RASGRP1: variants seen among roughly 807,000 people sequenced by gnomAD.
RASGRP1 encodes the protein RAS guanyl releasing protein 1.
Under a neutral mutation model 95.1 loss-of-function variants are expected in RASGRP1, and 37 were observed. That is an observed-to-expected ratio of 0.39 (90% CI 0.30 to 0.51). RASGRP1 has a LOEUF of 0.51. Ranked by LOEUF, RASGRP1 falls within the 20% of genes least tolerant of loss-of-function variation. RASGRP1 has a pLI of 0.80. For missense variants in RASGRP1, 711 were observed against 965.4 expected, an observed-to-expected ratio of 0.74 and a Z score of 3.49; for synonymous variants, 325 against 353.4, an observed-to-expected ratio of 0.92 and a Z score of 0.90.
chr15:38,540,179 C>T (rs1026088064), intron 2 of RASGRP1, among the ~76,000 whole-genome samples: 2 of 152,146 alleles, frequency 1.3e-5, no homozygotes, highest in Non-Finnish European at 2.9e-5. Flanking sequence ...CCTCCCACCT[C>T]GGCCGGCCAA....
Position 38,537,507 on chromosome 15 carries a change from T to C in RASGRP1, c.221-11103A>G, listed in dbSNP as rs145384990. Reference sequence around the variant, plus strand: ...CACGCAACCCCATGGCTCATAGACATTGACCATTCCCATGCAGCACTATAG... The same window carrying C: ...CACGCAACCCCATGGCTCATAGACACTGACCATTCCCATGCAGCACTATAG... On this transcript the variant is annotated intron_variant, in intron 2 of 16. Coordinates refer to ENST00000310803, the MANE Select transcript of RASGRP1 (RefSeq NM_005739.4). Among the ~76,000 whole-genome samples the C allele has an allele frequency of 1.1e-4, 17 of 152,194 alleles. No individual in the cohort carries two copies. In the Middle Eastern group the frequency reaches 0.01, roughly 91 times the overall value.
Position 38,564,586 on chromosome 15 carries a change from C to T in RASGRP1, c.35+8G>A. ...GCGCTCCCGAGGGCCACGGCCGCCT[C>T]TACTCACCGCGGAGCCTCTCTCGCC... is the stretch of plus-strand genomic sequence containing the variant. On this transcript the variant is annotated splice_region_variant and intron_variant, in intron 1 of 16. Transcript: ENST00000310803. 2.9e-6 allele frequency: 4 copies of T among 1,380,060 alleles called. No homozygotes were observed. The East Asian group carries it at 9.2e-5, about 32-fold the overall frequency. The allele number at this position is 1,380,060 out of a possible 1,614,324, so 85.5% of individuals were successfully genotyped here.
At chr15:38,530,827 T>C (rs1448819492) in intron 2 of RASGRP1, among the ~76,000 whole-genome samples, 13 of 152,190 alleles carry the variant, frequency 8.5e-5, no homozygotes, top group Admixed American at 7.9e-4. Flanking sequence ...TGAAGAAAAC[T>C]TGGGGAAGAG....
chr15:38,493,108 G>C (rs182453264), intron 16 of RASGRP1, among the ~76,000 whole-genome samples: 2 of 150,686 alleles, frequency 1.3e-5, no homozygotes, highest in Non-Finnish European at 2.9e-5. Context: ...TCTTGATCTC[G>C]TGACCTCGTG....
chr15:38,536,734 T>C (rs1892663308), intron 2 of RASGRP1, among the ~76,000 whole-genome samples: 1 of 152,228 alleles, frequency 6.6e-6, no homozygotes, highest in Admixed American at 6.5e-5. Flanking sequence ...CCACTGACCA[T>C]AGTCTTATTG....
At chr15:38,497,672 A>G (rs1056071433) in intron 15 of RASGRP1, among the ~76,000 whole-genome samples, 1 of 152,186 alleles carries the variant, frequency 6.6e-6, no homozygotes, top group Non-Finnish European at 1.5e-5. Context: ...ATATTTGTAT[A>G]TTATCTTCCC....
In RASGRP1 at chr15:38,512,829, G is replaced by A. The variant is rs1308640716; in HGVS notation, c.803C>T (p.Pro268Leu). The A allele has an allele frequency of 1.2e-6, 2 of 1,613,728 alleles. No homozygotes were observed. The highest frequency in any genetic ancestry group is 1.1e-5 in the South Asian group (1 of 91,082). ...VQLMVLSRPT[P>L]QLRAEVFIKF... ...GATGAAGACTTCTGCTCGGAGCTGC[G>A]GCGTGGGGCGGCTGAGAACCATCAG... Residue 268 changes from proline to leucine, a missense_variant, in exon 7 of 17, where the codon CCG (proline) becomes CTG (leucine). Transcript: ENST00000310803.
chr15:38,556,038 T>C (rs1893541886), intron 2 of RASGRP1, among the ~76,000 whole-genome samples: 1 of 152,128 alleles, frequency 6.6e-6, no homozygotes, highest in Non-Finnish European at 1.5e-5. Context: ...GGAAAAAAAA[T>C]AAAAGCCCAG....
At position 38,499,106 on chromosome 15, in the gene RASGRP1, AC is replaced by A. The variant is rs753450431; in HGVS notation, c.1721-161del. 3.0e-6 allele frequency: 3 copies of A among 1,006,770 alleles called. No individual in the cohort carries two copies. The Admixed American group carries it at 5.2e-5, about 17-fold the overall frequency. The allele number at this position is 1,006,770 out of a possible 1,614,324, so 62.4% of individuals were successfully genotyped here. A position where few individuals can be genotyped will look rare whatever the true frequency, so the allele number is the denominator to read the frequency against. ...TCCTAATGAAGCTAGCATTCTTCTCACTTGGTGAAGCCCAGAGCTCACACTC... is the reference window on the plus strand; with the variant it reads ...TCCTAATGAAGCTAGCATTCTTCTCATTGGTGAAGCCCAGAGCTCACACTC... On this transcript the variant is annotated intron_variant, in intron 14 of 16. Transcript: ENST00000310803.
chr15:38,526,742 T>C (rs1278409078), intron 2 of RASGRP1, among the ~76,000 whole-genome samples: 1 of 151,522 alleles, frequency 6.6e-6, no homozygotes, highest in Non-Finnish European at 1.5e-5. Flanking sequence ...GGTTGGGGGG[T>C]GGGCAGGGAG....
At chr15:38,518,172 T>A in intron 5 of RASGRP1, 120 bp downstream of exon 5, 1 of 950,460 alleles carries the variant, frequency 1.1e-6, no homozygotes, top group East Asian at 2.6e-5. Flanking sequence ...TTGAGGGGCT[T>A]CTCAGAGTGG....
At chr15:38,516,097 G>T in intron 6 of RASGRP1, 100 bp downstream of exon 6, 1 of 1,362,238 alleles carries the variant, frequency 7.3e-7, no homozygotes, top group Admixed American at 2.2e-5. Context: ...CACGACTTGA[G>T]GGGGCCTCTA....
chr15:38,515,708 C>T (rs1395412415), intron 6 of RASGRP1, among the ~76,000 whole-genome samples: 2 of 151,540 alleles, frequency 1.3e-5, no homozygotes, highest in African/African-American at 2.4e-5. Context: ...TGGGATTTCC[C>T]AGAGCCATTC....
At chr15:38,532,281 C>G (rs565234116) in intron 2 of RASGRP1, among the ~76,000 whole-genome samples, 1 of 152,198 alleles carries the variant, frequency 6.6e-6, no homozygotes, top group Non-Finnish European at 1.5e-5. Context: ...TCTGCTTCTC[C>G]TTACACTTAC....
intron 14 of RASGRP1, among the ~76,000 whole-genome samples, chr15:38,499,746 T>C (rs1477257404): frequency 6.6e-6 from 1 of 152,198 alleles, no homozygotes; most frequent in African/African-American, 2.4e-5. Context: ...CACCTTGTAG[T>C]GCCCATAATC....
At chr15:38,501,924 G>A (rs2059432081) in intron 12 of RASGRP1, among the ~76,000 whole-genome samples, 2 of 150,010 alleles carry the variant, frequency 1.3e-5, no homozygotes, top group Admixed American at 6.7e-5. Context: ...GCATGATCTC[G>A]GCTCACTGCA....
intron 6 of RASGRP1, among the ~76,000 whole-genome samples, chr15:38,515,067 C>G (rs1475436032): frequency 6.6e-6 from 1 of 152,160 alleles, no homozygotes; most frequent in African/African-American, 2.4e-5. Context: ...GACCAAACAG[C>G]TGCGTGAAAA....
chr15:38,542,519 C>A (rs1892908365), intron 2 of RASGRP1, among the ~76,000 whole-genome samples: 1 of 151,310 alleles, frequency 6.6e-6, no homozygotes, highest in Non-Finnish European at 1.5e-5. Context: ...TTCATCCTTG[C>A]CCTGGAGTAG....
At chr15:38,501,742 T>C (rs1232843992) in intron 12 of RASGRP1, among the ~76,000 whole-genome samples, 2 of 152,210 alleles carry the variant, frequency 1.3e-5, no homozygotes, top group Non-Finnish European at 2.9e-5. Flanking sequence ...TGAATAAGTA[T>C]TAGTTGTTTC....
Sources: gnomAD v4.1 joint callset for allele counts (sites outside exome capture counted in the v4.1 genomes callset) on GRCh38, gnomAD v4.1.1 for gene constraint, MANE v1.5 for transcripts, NCBI Gene and HGNC (gene_info 2026-07-23, HGNC 2026-07-21) for gene names.